The following HIP1 variants were observed in gnomAD, a reference collection of about 807,000 sequenced individuals.
The protein encoded by HIP1 is huntingtin interacting protein 1, also known as huntingtin-interacting protein 1.
A neutral mutation model predicts 147.6 loss-of-function variants in HIP1; 65 were observed. The ratio of observed to expected loss-of-function variants is 0.44; its 90% CI spans 0.36 to 0.54. The LOEUF is 0.54. Among genes scored for constraint, HIP1 ranks in the 20% least tolerant of loss-of-function variants. HIP1 has a pLI of 0.00. For synonymous variants in HIP1, 479 were observed against 504.0 expected, an observed-to-expected ratio of 0.95 and a Z score of 0.67; for missense variants, 1,061 against 1,299.6, an observed-to-expected ratio of 0.82 and a Z score of 2.82.
rs151135175 is a variant in HIP1, at chr7:75,558,212, C to T, written c.1419G>A (p.Glu473=). 1.3e-4 allele frequency: 206 copies of T among 1,614,216 alleles called. No individual in the cohort carries two copies. Among genetic ancestry groups the T allele is most frequent in the Middle Eastern group, 1.2e-3 (7 of 6,060 alleles). The change falls in exon 15 of 31, where the codon GAG becomes GAA. Residue 473 remains glutamate, a synonymous_variant. Transcript: ENST00000336926. ...ANEQRYSKLK[E]KYSELVQNHA... ...GGTTCTGAACCAGCTCGCTGTACTT[C>T]TCCTTTAGCTTGCTATATCGCTGTT...
chr7:75,584,014 G>A (rs1796159435), intron 5 of HIP1, among the ~76,000 whole-genome samples: 1 of 150,798 alleles, frequency 6.6e-6, no homozygotes, highest in Non-Finnish European at 1.5e-5. Flanking sequence ...AGGCTGGAGT[G>A]CAATGGCATG....
chr7:75,555,870 G>A (rs1347016281), intron 18 of HIP1, among the ~76,000 whole-genome samples, 156 bp downstream of exon 18: 2 of 152,210 alleles, frequency 1.3e-5, no homozygotes, highest in Non-Finnish European at 2.9e-5. Flanking sequence ...GCAATGCAGG[G>A]CCTGCTGGCA....
intron 1 of HIP1, among the ~76,000 whole-genome samples, chr7:75,675,583 T>C (rs782479312): frequency 6.6e-6 from 1 of 152,162 alleles, no homozygotes; most frequent in Non-Finnish European, 1.5e-5. Context: ...TTTCTATCTG[T>C]TAATTCATCA....
At chr7:75,589,226 G>A (rs975052365) in intron 4 of HIP1, among the ~76,000 whole-genome samples, 2 of 151,854 alleles carry the variant, frequency 1.3e-5, no homozygotes, top group South Asian at 2.1e-4. Flanking sequence ...ACCTTATGGA[G>A]AAGCTTAATA....
intron 1 of HIP1, among the ~76,000 whole-genome samples, chr7:75,652,327 A>AC (rs1554512120): frequency 6.6e-6 from 1 of 151,934 alleles, no homozygotes; most frequent in Admixed American, 6.6e-5. Flanking sequence ...AAAAAAAAAA[A>AC]AAACCACTAT....
At chr7:75,684,137 C>A (rs1028188742) in intron 1 of HIP1, among the ~76,000 whole-genome samples, 1 of 151,824 alleles carries the variant, frequency 6.6e-6, no homozygotes, top group Non-Finnish European at 1.5e-5. Flanking sequence ...GACTCCATCT[C>A]TATATTAAAC....
chr7:75,597,709 C>A (rs1438599419), intron 2 of HIP1, among the ~76,000 whole-genome samples: 1 of 125,240 alleles, frequency 8.0e-6, no homozygotes, highest in African/African-American at 3.2e-5. Flanking sequence ...CACTGCACTC[C>A]AGCCTAGGCG....
At chr7:75,669,564 A>AAAAAC (rs1279542306) in intron 1 of HIP1, among the ~76,000 whole-genome samples, 22 of 108,896 alleles carry the variant, frequency 2.0e-4, no homozygotes, top group Non-Finnish European at 3.2e-4. Flanking sequence ...TCTGTCTCAA[A>AAAAAC]AAAACAAAAC....
intron 1 of HIP1, among the ~76,000 whole-genome samples, chr7:75,709,109 C>CTTTTTTTTTTTTTTTTTCT (rs55720152): frequency 1.5e-5 from 2 of 131,440 alleles, no homozygotes; most frequent in Admixed American, 7.9e-5. Flanking sequence ...TTTTTCTTTT[C>CTTTTTTTTTTTTTTTTTCT]TTTTTTTTTT....
intron 27 of HIP1, among the ~76,000 whole-genome samples, chr7:75,544,047 C>T (rs1446842930): frequency 1.3e-5 from 2 of 151,946 alleles, no homozygotes; most frequent in Admixed American, 6.6e-5. Context: ...TGGCACGTGT[C>T]TGTAGTCCCA....
chr7:75,653,823 G>A (rs1284638898), intron 1 of HIP1, among the ~76,000 whole-genome samples: 2 of 152,126 alleles, frequency 1.3e-5, no homozygotes, highest in Non-Finnish European at 2.9e-5. Flanking sequence ...TTTCTTGTTC[G>A]TGGCTGAATC....
chr7:75,604,563 G>A (rs893581358), intron 1 of HIP1, among the ~76,000 whole-genome samples: 2 of 152,256 alleles, frequency 1.3e-5, no homozygotes, highest in Admixed American at 6.6e-5. Flanking sequence ...CTACTCTGGA[G>A]ACTGAGGTGG....
chr7:75,698,103 G>A (rs184951079), intron 1 of HIP1, among the ~76,000 whole-genome samples: 1 of 152,238 alleles, frequency 6.6e-6, no homozygotes, highest in African/African-American at 2.4e-5. Flanking sequence ...ATAGGCATGA[G>A]CCACCATGTC....
At chr7:75,618,715 G>A (rs1298286382) in intron 1 of HIP1, among the ~76,000 whole-genome samples, 2 of 152,164 alleles carry the variant, frequency 1.3e-5, no homozygotes, top group African/African-American at 2.4e-5. Flanking sequence ...CCCCCAGCAC[G>A]GGAACCATCC....
chr7:75,554,250 G>A (rs1482895597), intron 20 of HIP1, 30 bp from the exon 21 acceptor site: 4 of 1,577,876 alleles, frequency 2.5e-6, no homozygotes, highest in African/African-American at 1.3e-5. Flanking sequence ...AAGTTTCTCA[G>A]GTCTGGTTGA....
chr7:75,580,697 C>T (rs1438703076), intron 7 of HIP1, among the ~76,000 whole-genome samples: 2 of 152,002 alleles, frequency 1.3e-5, no homozygotes, highest in Non-Finnish European at 1.5e-5. Flanking sequence ...CCGTAACATG[C>T]CACTGCAATC....
At chr7:75,666,948 G>A (rs1414399527) in intron 1 of HIP1, among the ~76,000 whole-genome samples, 4 of 152,054 alleles carry the variant, frequency 2.6e-5, no homozygotes, top group African/African-American at 7.2e-5. Flanking sequence ...CATTTATATA[G>A]TATGAGCACA....
At chr7:75,622,762 G>A (rs1797885756) in intron 1 of HIP1, among the ~76,000 whole-genome samples, 1 of 151,966 alleles carries the variant, frequency 6.6e-6, no homozygotes, top group African/African-American at 2.4e-5. Context: ...AGGACACTTT[G>A]AGCCCAGGAG....
chr7:75,702,213 C>T (rs1332032403), intron 1 of HIP1, among the ~76,000 whole-genome samples: 5 of 151,930 alleles, frequency 3.3e-5, no homozygotes, highest in East Asian at 1.9e-4. Context: ...GGAGTTCAAG[C>T]GATTCTCCTG....
Sources: gnomAD v4.1 joint callset for allele counts (sites outside exome capture counted in the v4.1 genomes callset) on GRCh38, gnomAD v4.1.1 for gene constraint, MANE v1.5 for transcripts, NCBI Gene and HGNC (gene_info 2026-07-23, HGNC 2026-07-21) for gene names.